UBE2E2: variants seen among roughly 807,000 people sequenced by gnomAD.
The protein encoded by UBE2E2 is ubiquitin conjugating enzyme E2 E2.
A neutral mutation model predicts 24.7 loss-of-function variants in UBE2E2; 6 were observed. That is an observed-to-expected ratio of 0.24 (90% CI 0.13 to 0.48). The LOEUF (loss-of-function observed/expected upper bound fraction) is 0.48, where lower values mean the gene tolerates loss of function less well. Among genes scored for constraint, UBE2E2 ranks in the 20% least tolerant of loss-of-function variants. UBE2E2 has a pLI of 0.99. For missense variants in UBE2E2, 169 were observed against 245.0 expected, an observed-to-expected ratio of 0.69 and a Z score of 2.07; for synonymous variants, 104 against 83.6, an observed-to-expected ratio of 1.24 and a Z score of -1.33.
At chr3:23,271,760 CAG>C (rs1461268301) in intron 3 of UBE2E2, among the ~76,000 whole-genome samples, 1 of 152,132 alleles carries the variant, frequency 6.6e-6, no homozygotes, top group African/African-American at 2.4e-5. Flanking sequence ...GAGATAGACA[CAG>C]GGTGCTAATT....
At chr3:23,561,546 G>A (rs1279469184) in intron 5 of UBE2E2, among the ~76,000 whole-genome samples, 2 of 152,066 alleles carry the variant, frequency 1.3e-5, no homozygotes, top group Non-Finnish European at 2.9e-5. Context: ...GATTGACTTG[G>A]CAATGCGGGC....
intron 3 of UBE2E2, among the ~76,000 whole-genome samples, chr3:23,464,751 A>G (rs1257441540): frequency 6.6e-6 from 1 of 152,182 alleles, no homozygotes; most frequent in Non-Finnish European, 1.5e-5. Context: ...AACCTTTCTG[A>G]ACTTCAGTTT....
At chr3:23,507,791 A>T (rs534017550) in intron 4 of UBE2E2, among the ~76,000 whole-genome samples, 1 of 152,348 alleles carries the variant, frequency 6.6e-6, no homozygotes, top group South Asian at 2.1e-4. Flanking sequence ...GAGAGGAAAG[A>T]CAGTATGAGG....
chr3:23,432,316 T>A (rs982178237), intron 3 of UBE2E2, among the ~76,000 whole-genome samples: 1 of 152,054 alleles, frequency 6.6e-6, no homozygotes, highest in Non-Finnish European at 1.5e-5. Flanking sequence ...CAATTATTAT[T>A]TGTATGAGGA....
chr3:23,532,499 G>T (rs1695148400), intron 4 of UBE2E2, 55 bp from the exon 5 acceptor site: 1 of 1,430,538 alleles, frequency 7.0e-7, no homozygotes, highest in Non-Finnish European at 9.4e-7. Flanking sequence ...ATTGTCTATA[G>T]ATACTGTTAA....
chr3:23,525,412 T>C (rs1035726531), intron 4 of UBE2E2, among the ~76,000 whole-genome samples: 1 of 152,192 alleles, frequency 6.6e-6, no homozygotes, highest in East Asian at 1.9e-4. Context: ...ACCTTTGTTA[T>C]CCAGGGCCAT....
chr3:23,426,811 CAG>C (rs1697937979), intron 3 of UBE2E2, among the ~76,000 whole-genome samples: 3 of 152,074 alleles, frequency 2.0e-5, no homozygotes, highest in Admixed American at 2.0e-4. Flanking sequence ...AAGAACATCA[CAG>C]AAGGGATAAG....
intron 3 of UBE2E2, among the ~76,000 whole-genome samples, chr3:23,413,795 A>G (rs900438616): frequency 3.3e-5 from 5 of 152,174 alleles, no homozygotes; most frequent in Non-Finnish European, 7.3e-5. Context: ...CTCCCAGGCT[A>G]CCAGCACTGC....
chr3:23,224,156 G>GTTTTTT (rs531661466), intron 3 of UBE2E2, among the ~76,000 whole-genome samples: 8 of 93,714 alleles, frequency 8.5e-5, no homozygotes, highest in Admixed American at 1.4e-4. Flanking sequence ...TAAATTTTAG[G>GTTTTTT]TTTTTTTTTT....
At chr3:23,390,963 A>G (rs1489306523) in intron 3 of UBE2E2, among the ~76,000 whole-genome samples, 1 of 152,240 alleles carries the variant, frequency 6.6e-6, no homozygotes, top group Non-Finnish European at 1.5e-5. Context: ...ATACAAGTTT[A>G]TATCTGTATA....
intron 3 of UBE2E2, among the ~76,000 whole-genome samples, chr3:23,253,312 A>G (rs1038482881): frequency 1.3e-5 from 2 of 152,256 alleles, no homozygotes; most frequent in Non-Finnish European, 2.9e-5. Context: ...TGAGACAGGC[A>G]GAGAATGACA....
chr3:23,326,664 G>T (rs1266238506), intron 3 of UBE2E2, among the ~76,000 whole-genome samples: 1 of 152,150 alleles, frequency 6.6e-6, no homozygotes, highest in Non-Finnish European at 1.5e-5. Flanking sequence ...GCACATAAAG[G>T]TTTTTTGTTT....
chr3:23,452,309 G>A (rs937065858), intron 3 of UBE2E2, among the ~76,000 whole-genome samples: 1 of 152,060 alleles, frequency 6.6e-6, no homozygotes. Context: ...TTAAGAAAAT[G>A]TGAATCATAA....
chr3:23,580,537 A>G (rs527332921), intron 5 of UBE2E2, among the ~76,000 whole-genome samples: 1 of 152,356 alleles, frequency 6.6e-6, no homozygotes, highest in African/African-American at 2.4e-5. Flanking sequence ...CGCACTGGGA[A>G]ACCAAAAAAT....
intron 3 of UBE2E2, among the ~76,000 whole-genome samples, chr3:23,371,635 C>G (rs1265413883): frequency 6.6e-6 from 1 of 152,060 alleles, no homozygotes; most frequent in African/African-American, 2.4e-5. Context: ...GGGAGACTCA[C>G]TAAGCCAGCA....
intron 3 of UBE2E2, among the ~76,000 whole-genome samples, chr3:23,335,892 G>A (rs768328951): frequency 7.9e-5 from 12 of 152,064 alleles, no homozygotes; most frequent in Non-Finnish European, 1.0e-4. Flanking sequence ...CAAGGTAAAA[G>A]GTGTACAGTT....
At chr3:23,519,949 T>C (rs1694826356) in intron 4 of UBE2E2, among the ~76,000 whole-genome samples, 1 of 152,196 alleles carries the variant, frequency 6.6e-6, no homozygotes, top group African/African-American at 2.4e-5. Context: ...GCCATGAATA[T>C]CATTAAACAT....
chr3:23,588,410 G>GTTTTTTTT (rs199679364), intron 5 of UBE2E2, among the ~76,000 whole-genome samples: 9 of 130,038 alleles, frequency 6.9e-5, no homozygotes, highest in Non-Finnish European at 9.4e-5. Flanking sequence ...TTGTTTTTTT[G>GTTTTTTTT]TTTTTTTTTT....
intron 3 of UBE2E2, among the ~76,000 whole-genome samples, chr3:23,431,355 G>A (rs566631968): frequency 6.6e-6 from 1 of 152,298 alleles, no homozygotes; most frequent in South Asian, 2.1e-4. Context: ...TTAGTGAGCT[G>A]TTCAAAGATG....
Sources: gnomAD v4.1 joint callset for allele counts (sites outside exome capture counted in the v4.1 genomes callset) on GRCh38, gnomAD v4.1.1 for gene constraint, MANE v1.5 for transcripts, NCBI Gene and HGNC (gene_info 2026-07-23, HGNC 2026-07-21) for gene names.